Variants in RIT2 observed in about 807,000 individuals in gnomAD.
RIT2 encodes Ras like without CAAX 2.
In RIT2, 24 loss-of-function variants were observed where a neutral mutation model predicts 23.7. The observed-to-expected ratio is 1.01, with a 90% CI of 0.73 to 1.43. The LOEUF (loss-of-function observed/expected upper bound fraction) is 1.43. RIT2 is among the 40% of genes most tolerant of loss of function. The probability of loss-of-function intolerance (pLI) is 0.00; values close to 1 mark genes in which losing one functional copy is unlikely to be tolerated. For synonymous variants in RIT2, 107 were observed against 91.1 expected (o/e 1.17, Z -0.99); for missense variants, 236 against 266.9 (o/e 0.88, Z 0.81).
intron 3 of RIT2, among the ~76,000 whole-genome samples, chr18:42,932,298 A>G (rs1329368271): frequency 6.6e-6 from 1 of 151,980 alleles, no homozygotes. Flanking sequence ...CTGTAACCCC[A>G]CGGTCTCCCT....
intron 2 of RIT2, among the ~76,000 whole-genome samples, chr18:43,027,176 T>A (rs1213184985): frequency 2.6e-5 from 4 of 152,014 alleles, no homozygotes; most frequent in Non-Finnish European, 5.9e-5. Flanking sequence ...AGTAGAGTGA[T>A]GAGATGAAAA....
intron 4 of RIT2, among the ~76,000 whole-genome samples, chr18:42,789,607 T>C (rs1396837762): frequency 6.6e-6 from 1 of 152,212 alleles, no homozygotes; most frequent in African/African-American, 2.4e-5. Context: ...GATTGTCTTC[T>C]TTATTTTTGT....
intron 4 of RIT2, among the ~76,000 whole-genome samples, chr18:42,765,011 T>A (rs1913388429): frequency 6.6e-6 from 1 of 152,208 alleles, no homozygotes; most frequent in African/African-American, 2.4e-5. Context: ...ATATCCTTCA[T>A]CAGTAAGTTT....
intron 4 of RIT2, among the ~76,000 whole-genome samples, chr18:42,795,550 G>A (rs28884260): frequency 0.011 from 1,684 of 152,302 alleles, 30 homozygotes; most frequent in African/African-American, 0.031. Context: ...TGAGCCTCCC[G>A]GATGAGCGCA....
At chr18:42,972,669 G>A (rs556534359) in intron 3 of RIT2, among the ~76,000 whole-genome samples, 8 of 151,462 alleles carry the variant, frequency 5.3e-5, no homozygotes, top group South Asian at 2.1e-4. Context: ...GTAACAACTT[G>A]CTTAAATATT....
chr18:43,106,527 C>A (rs1253944653), intron 1 of RIT2, among the ~76,000 whole-genome samples: 1 of 152,190 alleles, frequency 6.6e-6, no homozygotes, highest in East Asian at 1.9e-4. Flanking sequence ...TCTACACTAT[C>A]TCATTTCAGT....
intron 4 of RIT2, among the ~76,000 whole-genome samples, chr18:42,848,655 A>G (rs1906970919): frequency 6.6e-6 from 1 of 152,208 alleles, no homozygotes; most frequent in African/African-American, 2.4e-5. Flanking sequence ...AAAGACAGAG[A>G]ATGACTGACT....
intron 4 of RIT2, among the ~76,000 whole-genome samples, chr18:42,758,556 C>A (rs550010253): frequency 6.6e-6 from 1 of 151,932 alleles, no homozygotes; most frequent in South Asian, 2.1e-4. Flanking sequence ...TCTCATCACC[C>A]AGGCTGGAGT....
intron 4 of RIT2, among the ~76,000 whole-genome samples, chr18:42,916,845 T>C (rs1477933399): frequency 6.6e-6 from 1 of 152,104 alleles, no homozygotes; most frequent in African/African-American, 2.4e-5. Context: ...AGATGTTTAT[T>C]AGGAATCAAC....
intron 2 of RIT2, among the ~76,000 whole-genome samples, chr18:42,981,788 A>G (rs780216734): frequency 6.6e-6 from 1 of 152,186 alleles, no homozygotes; most frequent in Non-Finnish European, 1.5e-5. Flanking sequence ...CAATAATAAC[A>G]TACATATTTT....
intron 1 of RIT2, among the ~76,000 whole-genome samples, chr18:43,049,055 T>C (rs967936416): frequency 1.3e-5 from 2 of 152,202 alleles, no homozygotes; most frequent in Admixed American, 6.6e-5. Flanking sequence ...TTGCTAGCTC[T>C]TCTTAATACA....
At chr18:42,964,533 C>T (rs1468580612) in intron 3 of RIT2, among the ~76,000 whole-genome samples, 1 of 152,106 alleles carries the variant, frequency 6.6e-6, no homozygotes, top group African/African-American at 2.4e-5. Flanking sequence ...TGATTTTTCC[C>T]CTGCCCAGTT....
At chr18:43,051,982 C>T (rs1426525068) in intron 1 of RIT2, among the ~76,000 whole-genome samples, 3 of 152,020 alleles carry the variant, frequency 2.0e-5, no homozygotes, top group Non-Finnish European at 4.4e-5. Flanking sequence ...TGTACATATC[C>T]TGTATGACAC....
chr18:43,094,248 A>T (rs1462746273), intron 1 of RIT2, among the ~76,000 whole-genome samples: 1 of 151,402 alleles, frequency 6.6e-6, no homozygotes, highest in African/African-American at 2.4e-5. Flanking sequence ...CATAACATTG[A>T]ATATAATAGA....
chr18:42,828,795 C>A (rs1419897723), intron 4 of RIT2, among the ~76,000 whole-genome samples: 1 of 152,178 alleles, frequency 6.6e-6, no homozygotes, highest in African/African-American at 2.4e-5. Flanking sequence ...TTAGACTCAG[C>A]CTTATCATGC....
chr18:43,028,128 C>T (rs967380585), intron 2 of RIT2, among the ~76,000 whole-genome samples: 2 of 151,922 alleles, frequency 1.3e-5, no homozygotes, highest in African/African-American at 4.8e-5. Context: ...ATTAAGGAAA[C>T]AAGCTGTGTG....
intron 4 of RIT2, among the ~76,000 whole-genome samples, chr18:42,795,525 G>C (rs1905318331): frequency 6.6e-6 from 1 of 152,224 alleles, no homozygotes; most frequent in Non-Finnish European, 1.5e-5. Context: ...CCCCCTCCAT[G>C]GGCTCCTGTG....
In RIT2 at chr18:42,840,873, C is replaced by A. The variant is rs538371813; in HGVS notation, c.426+82699G>T. Among the ~76,000 whole-genome samples, 42 of 152,292 alleles carry A rather than the reference C, an allele frequency of 2.8e-4. 1 individual carries two copies. The South Asian group carries it at 8.5e-3, about 31-fold the overall frequency. ...GTATCTATGGCTTAAAGACATTCAG[C>A]AATTTGCTTGAATCCTAAAACAAAG... On this transcript the variant is annotated intron_variant, in intron 4 of 4. Coordinates refer to ENST00000326695, the MANE Select transcript of RIT2 (RefSeq NM_002930.4).
chr18:42,756,933 A>T (rs2143892837), intron 4 of RIT2, among the ~76,000 whole-genome samples: 1 of 152,190 alleles, frequency 6.6e-6, no homozygotes, highest in East Asian at 1.9e-4. Context: ...CACATAAAAC[A>T]ATTATAATTA....
Sources: allele counts gnomAD v4.1 joint callset (sites outside exome capture counted in the v4.1 genomes callset), GRCh38; gene constraint gnomAD v4.1.1; transcripts MANE v1.5; gene names NCBI Gene and HGNC (gene_info 2026-07-23, HGNC 2026-07-21).